The following AGAP1 variants were observed in gnomAD, a reference collection of about 807,000 sequenced individuals.
AGAP1 encodes ArfGAP with GTPase domain, ankyrin repeat and PH domain 1.
Under a neutral mutation model 105.3 loss-of-function variants are expected in AGAP1, and 29 were observed. That is an observed-to-expected ratio of 0.28 (90% confidence interval 0.21 to 0.38). AGAP1 has a LOEUF of 0.38. AGAP1 is among the 10% of genes least tolerant of loss of function. The pLI is 1.00. For missense variants in AGAP1, 998 were observed against 1,165.1 expected, an observed-to-expected ratio of 0.86 and a Z score of 2.09; for synonymous variants, 509 against 485.9, an observed-to-expected ratio of 1.05 and a Z score of -0.63.
At chr2:236,043,518 G>A (rs79554484) in intron 15 of AGAP1, among the ~76,000 whole-genome samples, 15,696 of 152,252 alleles carry the variant, frequency 0.1, 962 homozygotes, top group East Asian at 0.26. Flanking sequence ...CCTGAGGTCA[G>A]GAGTTCGAGA....
intron 13 of AGAP1, among the ~76,000 whole-genome samples, chr2:236,023,446 A>C (rs2056948479): frequency 6.6e-6 from 1 of 152,176 alleles, no homozygotes; most frequent in Non-Finnish European, 1.5e-5. Flanking sequence ...AACTGGGAGA[A>C]CCCATAGCGA....
At chr2:235,903,463 C>T (rs1463333495) in intron 10 of AGAP1, among the ~76,000 whole-genome samples, 1 of 152,188 alleles carries the variant, frequency 6.6e-6, no homozygotes, top group African/African-American at 2.4e-5. Flanking sequence ...GCTTTTAGTA[C>T]CCCTGTGAAC....
At chr2:235,922,887 T>C (rs1243189638) in intron 11 of AGAP1, among the ~76,000 whole-genome samples, 3 of 152,216 alleles carry the variant, frequency 2.0e-5, no homozygotes, top group African/African-American at 7.2e-5. Context: ...AAATCAACTC[T>C]TCCACTTTAG....
chr2:235,731,012 C>T (rs910714106), intron 3 of AGAP1, among the ~76,000 whole-genome samples: 3 of 152,232 alleles, frequency 2.0e-5, no homozygotes, highest in East Asian at 1.9e-4. Flanking sequence ...TTACATGAGT[C>T]AGTTTCCTTC....
Position 235,891,192 on chromosome 2 carries a change from G to A in AGAP1, c.1155+7743G>A, listed in dbSNP as rs562299438. 5.9e-5 allele frequency among the ~76,000 whole-genome samples: 9 copies of A among 152,098 alleles called. No homozygotes were observed. The highest frequency in any genetic ancestry group is 1.0e-4 in the Non-Finnish European group (7 of 68,012). On this transcript the variant is annotated intron_variant, in intron 10 of 17. Coordinates refer to ENST00000304032, the MANE Select transcript of AGAP1 (RefSeq NM_001037131.3). The surrounding 1 kb of genome is among the most constrained non-coding windows in gnomAD (Gnocchi z 4.2). The stretch of plus-strand genomic sequence containing the variant: ...GGCCGCACTTGCTGCAGTACTGACC[G>A]CCCTAACAGCTCCTTTATCTCCACT...
chr2:235,501,604 C>T (rs1574696053), intron 1 of AGAP1, among the ~76,000 whole-genome samples: 1 of 152,094 alleles, frequency 6.6e-6, no homozygotes, highest in Non-Finnish European at 1.5e-5. Flanking sequence ...TTGTTTTTTG[C>T]CTAAACCAGG....
In AGAP1 at chr2:235,934,893, C is replaced by T. The variant is rs961734164; in HGVS notation, c.1483+3970C>T. ...AACATTGGGATTCACTGTTTCTCCGCCCCCCGTCCACCCTAAATTAAGACT... is the reference window on the plus strand; with the variant it reads ...AACATTGGGATTCACTGTTTCTCCGTCCCCCGTCCACCCTAAATTAAGACT... On this transcript the variant is annotated intron_variant, in intron 12 of 17. Transcript: ENST00000304032. The surrounding 1 kb of genome is among the most constrained non-coding windows in gnomAD (Gnocchi z 4.9). Among the ~76,000 whole-genome samples, 2 of 152,058 alleles carry T rather than the reference C, an allele frequency of 1.3e-5. No homozygotes were observed. Among genetic ancestry groups the T allele is most frequent in the Non-Finnish European group, 2.9e-5 (2 of 68,030 alleles).
chr2:235,619,095 C>T (rs1222968668), intron 1 of AGAP1, among the ~76,000 whole-genome samples: 1 of 152,182 alleles, frequency 6.6e-6, no homozygotes, highest in African/African-American at 2.4e-5. Context: ...CCAGAACCTC[C>T]AGGATCACAG....
Position 235,753,716 on chromosome 2 carries a change from A to AT in AGAP1, c.673+3228_673+3229insT, listed in dbSNP as rs1953662243. ...GCGAGACTCTGTCTCAAAAAAAAAAAAAAGTAGGATTTTATGGAATTTGAA... is the reference window on the plus strand; with the variant it reads ...GCGAGACTCTGTCTCAAAAAAAAAAATAAAGTAGGATTTTATGGAATTTGAA... On this transcript the variant is annotated intron_variant, in intron 6 of 17. Transcript: ENST00000304032. The surrounding 1 kb of genome is among the most constrained non-coding windows in gnomAD (Gnocchi z 4.5). 6.6e-6 allele frequency among the ~76,000 whole-genome samples: 1 copy of AT among 152,176 alleles called. No individual in the cohort carries two copies. Among genetic ancestry groups the AT allele is most frequent in the African/African-American group, 2.4e-5 (1 of 41,440 alleles).
At chr2:235,920,172 T>C (rs900192016) in intron 11 of AGAP1, among the ~76,000 whole-genome samples, 4 of 152,218 alleles carry the variant, frequency 2.6e-5, no homozygotes, top group Non-Finnish European at 5.9e-5. Context: ...TTTTCTGTTA[T>C]GTAGAACTGT....
At position 235,864,522 on chromosome 2, in the gene AGAP1, G is replaced by T. The variant is rs2049068522; in HGVS notation, c.1051-18823G>T. On this transcript the variant is annotated intron_variant, in intron 9 of 17. Coordinates refer to ENST00000304032, the MANE Select transcript of AGAP1 (RefSeq NM_001037131.3). The surrounding 1 kb of genome is among the most constrained non-coding windows in gnomAD (Gnocchi z 5.0). ...TTGAGCGTTTCCGCTCCACTGCGCG[G>T]CCCCGGAGCCCCCAAACGCAGGTCA... Among the ~76,000 whole-genome samples, 1 of 152,186 alleles carries T rather than the reference G, an allele frequency of 6.6e-6. No homozygotes were observed. The highest frequency in any genetic ancestry group is 6.5e-5 in the Admixed American group (1 of 15,288).
rs373412384 is a variant in AGAP1, at chr2:235,957,457, C to T, written c.1484-11005C>T. 2.6e-5 allele frequency among the ~76,000 whole-genome samples: 4 copies of T among 152,268 alleles called. No homozygotes were observed. Among genetic ancestry groups the T allele is most frequent in the Middle Eastern group, 3.4e-3 (1 of 294 alleles). The stretch of plus-strand genomic sequence containing the variant: ...CTTCCTGGGCCCCCTGCCGTGTCCC[C>T]GCTGCCCCTCTGACATTGTGTACCT... On this transcript the variant is annotated intron_variant, in intron 12 of 17. Coordinates refer to ENST00000304032, the MANE Select transcript of AGAP1 (RefSeq NM_001037131.3). This position sits in a 1 kb window ranked among gnomAD's most constrained non-coding sequence, Gnocchi z 4.6.
In AGAP1 at chr2:236,042,629, G is replaced by A. The variant is rs989205456; in HGVS notation, c.1891+1788G>A. Among the ~76,000 whole-genome samples, 8 of 152,148 alleles carry A rather than the reference G, an allele frequency of 5.3e-5. No homozygotes were observed. Among genetic ancestry groups the A allele is most frequent in the Non-Finnish European group, 8.8e-5 (6 of 68,042 alleles). On this transcript the variant is annotated intron_variant, in intron 15 of 17. Transcript: ENST00000304032. This position sits in a 1 kb window ranked among gnomAD's most constrained non-coding sequence, Gnocchi z 5.6. ...GGTCGCTTTAAAAGGAAAGCCATCC[G>A]TGGCTTGCGGGGACCATGATACCTG...
chr2:235,810,091 G>A (rs1958052568), intron 9 of AGAP1, among the ~76,000 whole-genome samples: 1 of 152,152 alleles, frequency 6.6e-6, no homozygotes, highest in South Asian at 2.1e-4. Context: ...AGAAAGCTTA[G>A]GAAGCAAAGT....
chr2:235,534,952 G>A (rs1407947225), intron 1 of AGAP1, among the ~76,000 whole-genome samples: 1 of 152,156 alleles, frequency 6.6e-6, no homozygotes, highest in Non-Finnish European at 1.5e-5. Flanking sequence ...TGTCACTCAA[G>A]CGAGTGACAG....
In AGAP1 at chr2:236,124,250, C is replaced by T; in HGVS notation, c.*128C>T. The T allele has an allele frequency of 9.5e-7, 1 of 1,053,048 alleles. No homozygotes were observed. The highest frequency in any genetic ancestry group is 1.4e-6 in the Non-Finnish European group (1 of 719,126). The allele number at this position is 1,053,048 out of a possible 1,614,324, so 65.2% of individuals were successfully genotyped here. A position where few individuals can be genotyped will look rare whatever the true frequency, so the allele number is the denominator to read the frequency against. On this transcript the variant is annotated 3_prime_UTR_variant, in exon 18 of 18. Transcript: ENST00000304032. The surrounding 1 kb of genome is among the most constrained non-coding windows in gnomAD (Gnocchi z 5.1). ...CTTCCTGGTGGCCACCTCCCTCCCG[C>T]CCACCCACTCTCACCCCAAACAAAA...
In AGAP1 at chr2:235,878,451, G is replaced by A. The variant is rs141227942; in HGVS notation, c.1051-4894G>A. Among the ~76,000 whole-genome samples, 634 of 152,246 alleles carry A rather than the reference G, an allele frequency of 4.2e-3. 7 individuals are homozygous for A. Among genetic ancestry groups the A allele is most frequent in the African/African-American group, 0.014 (593 of 41,546 alleles). On this transcript the variant is annotated intron_variant, in intron 9 of 17. Coordinates refer to ENST00000304032, the MANE Select transcript of AGAP1 (RefSeq NM_001037131.3). ...GGTGGCAGCATGTTGGCCCAGTCAC[G>A]TTCTGGGCTAAAGTACTCCTCCCTG...
intron 1 of AGAP1, among the ~76,000 whole-genome samples, chr2:235,498,287 T>C (rs1941408391): frequency 1.3e-5 from 2 of 152,268 alleles, no homozygotes; most frequent in South Asian, 2.1e-4. Context: ...TTTTGTTTTG[T>C]ACATTGAGAG....
intron 9 of AGAP1, among the ~76,000 whole-genome samples, chr2:235,852,296 C>T (rs980265566): frequency 9.2e-5 from 14 of 152,248 alleles, no homozygotes; most frequent in African/African-American, 2.9e-4. Flanking sequence ...AGGGCCCGGG[C>T]GTGCATAATG....
Sources: allele counts gnomAD v4.1 joint callset (sites outside exome capture counted in the v4.1 genomes callset), GRCh38; gene constraint gnomAD v4.1.1; non-coding constraint Gnocchi (gnomAD v3.1); transcripts MANE v1.5; gene names NCBI Gene and HGNC (gene_info 2026-07-23, HGNC 2026-07-21).